Variants in RIN2 observed in about 807,000 individuals in gnomAD.
RIN2 encodes Ras and Rab interactor 2, also known as RAB5 interacting protein 2.
In RIN2, 36 loss-of-function variants were observed where a neutral mutation model predicts 78.0. The observed-to-expected ratio is 0.46, with a 90% CI of 0.35 to 0.61. The LOEUF is 0.61. Ranked by LOEUF, RIN2 falls within the 20% of genes least tolerant of loss-of-function variation. RIN2 has a pLI of 0.00. For missense variants in RIN2, 1,087 were observed against 1,159.7 expected (o/e 0.94, Z 0.91); for synonymous variants, 466 against 466.8 (o/e 1.00, Z 0.02).
At chr20:19,855,209 C>G (rs965283285) in intron 2 of RIN2, among the ~76,000 whole-genome samples, 1 of 151,836 alleles carries the variant, frequency 6.6e-6, no homozygotes, top group African/African-American at 2.4e-5. Flanking sequence ...GTTGAACCAG[C>G]CTTGCATCCC....
intron 3 of RIN2, among the ~76,000 whole-genome samples, chr20:19,911,640 T>C (rs78058389): frequency 1.3e-5 from 2 of 152,260 alleles, no homozygotes; most frequent in Non-Finnish European, 2.9e-5. Flanking sequence ...GCTCTGGTCA[T>C]GTCCTTATAC....
intron 4 of RIN2, among the ~76,000 whole-genome samples, chr20:19,942,429 G>A (rs945124472): frequency 6.6e-6 from 1 of 152,102 alleles, no homozygotes; most frequent in African/African-American, 2.4e-5. Context: ...GTTATCTTTG[G>A]GAAGTTTTTT....
chr20:19,961,250 G>T (rs566408642), intron 6 of RIN2, among the ~76,000 whole-genome samples: 27 of 152,284 alleles, frequency 1.8e-4, no homozygotes, highest in African/African-American at 6.5e-4. Context: ...GAGCAGACCT[G>T]TTCCCTCCAG....
At chr20:19,862,476 C>A (rs1035545625) in intron 2 of RIN2, among the ~76,000 whole-genome samples, 2 of 152,102 alleles carry the variant, frequency 1.3e-5, no homozygotes, top group African/African-American at 4.8e-5. Flanking sequence ...ACCTGTAGTC[C>A]CAGCTACTTG....
At chr20:19,885,311 A>G (rs939151112) in intron 2 of RIN2, among the ~76,000 whole-genome samples, 3 of 152,184 alleles carry the variant, frequency 2.0e-5, no homozygotes, top group Non-Finnish European at 4.4e-5. Context: ...AGAAGGAGGA[A>G]AAAGTCCAAG....
intron 1 of RIN2, among the ~76,000 whole-genome samples, chr20:19,765,278 C>T (rs1018639456): frequency 1.3e-5 from 2 of 152,120 alleles, no homozygotes; most frequent in Admixed American, 6.5e-5. Flanking sequence ...TGGGAAGACC[C>T]GAAAGATAGT....
intron 2 of RIN2, among the ~76,000 whole-genome samples, chr20:19,856,478 A>G (rs1281899626): frequency 6.6e-6 from 1 of 150,762 alleles, no homozygotes; most frequent in Admixed American, 6.6e-5. Context: ...GACTACAATG[A>G]GTCACGATCA....
At chr20:19,866,470 G>C (rs1385762631) in intron 2 of RIN2, among the ~76,000 whole-genome samples, 1 of 152,148 alleles carries the variant, frequency 6.6e-6, no homozygotes, top group Non-Finnish European at 1.5e-5. Flanking sequence ...GGAGTGCAGA[G>C]AGACATGTTA....
intron 2 of RIN2, among the ~76,000 whole-genome samples, chr20:19,879,335 A>T (rs1008948854): frequency 1.3e-5 from 2 of 152,134 alleles, no homozygotes; most frequent in Non-Finnish European, 2.9e-5. Flanking sequence ...TACTTTCTTT[A>T]TGCTTTTCCC....
intron 6 of RIN2, among the ~76,000 whole-genome samples, chr20:19,964,269 T>TGA (rs1356586068): frequency 1.4e-5 from 2 of 147,532 alleles, no homozygotes; most frequent in African/African-American, 2.5e-5. Flanking sequence ...TAAAAAAAAG[T>TGA]GAGAGAGAGA....
At position 19,961,996 on chromosome 20, in the gene RIN2, T is replaced by C. The variant is rs1412006295; in HGVS notation, c.463+1185T>C. 4.6e-5 allele frequency among the ~76,000 whole-genome samples: 7 copies of C among 152,234 alleles called. No individual in the cohort carries two copies. In the East Asian group the frequency reaches 1.4e-3, roughly 29 times the overall value. On this transcript the variant is annotated intron_variant, in intron 6 of 12. Coordinates refer to ENST00000255006, the MANE Select transcript of RIN2 (RefSeq NM_018993.4). ...AGTGAATCAATTAAGTAATTCTGAA[T>C]TGGCTTTTGAAAGTCTGCGAGAGGC...
intron 2 of RIN2, among the ~76,000 whole-genome samples, chr20:19,859,681 C>T (rs535271058): frequency 4.0e-4 from 61 of 152,334 alleles, no homozygotes; most frequent in Admixed American, 6.5e-4. Flanking sequence ...TAACTCCTTC[C>T]TAAGAGCCAG....
At chr20:19,971,807 T>C (rs549180315) in intron 8 of RIN2, among the ~76,000 whole-genome samples, 2 of 146,556 alleles carry the variant, frequency 1.4e-5, no homozygotes, top group South Asian at 4.3e-4. Flanking sequence ...AGTGTTGAGA[T>C]CTCAGCTCTC....
At chr20:19,895,363 G>A (rs2038673366) in intron 3 of RIN2, among the ~76,000 whole-genome samples, 1 of 152,130 alleles carries the variant, frequency 6.6e-6, no homozygotes, top group East Asian at 1.9e-4. Flanking sequence ...GAATTGTCCG[G>A]TCGACAGTTC....
intron 4 of RIN2, among the ~76,000 whole-genome samples, chr20:19,936,099 G>A (rs143165357): frequency 3.3e-4 from 51 of 152,300 alleles, no homozygotes; most frequent in African/African-American, 9.9e-4. Flanking sequence ...ATACGCTGAC[G>A]GGAGAGAGCA....
chr20:19,989,689 G>C (rs2042734562), intron 9 of RIN2, among the ~76,000 whole-genome samples: 3 of 152,216 alleles, frequency 2.0e-5, no homozygotes, highest in African/African-American at 7.2e-5. Context: ...TAGGTCAAAA[G>C]AATGTCTTCT....
At chr20:19,988,269 C>A (rs2042682495) in intron 9 of RIN2, among the ~76,000 whole-genome samples, 1 of 152,078 alleles carries the variant, frequency 6.6e-6, no homozygotes, top group African/African-American at 2.4e-5. Flanking sequence ...CAGGTGTGCG[C>A]CACAACGCCA....
rs568137461 is a variant in RIN2, at chr20:19,962,314, A to T, written c.463+1503A>T. ...AATGAAAAAACAACCCAAAAATATT[A>T]AAAAAAAAAAAAGTCCACAAGGCAA... On this transcript the variant is annotated intron_variant, in intron 6 of 12. Transcript: ENST00000255006. 2.1e-3 allele frequency among the ~76,000 whole-genome samples: 299 copies of T among 139,112 alleles called. 1 individual carries two copies. Among genetic ancestry groups the T allele is most frequent in the African/African-American group, 7.1e-3 (257 of 36,304 alleles). 91.3% of individuals were successfully genotyped at this position (139,112 alleles called of 152,430 possible). A position where few individuals can be genotyped will look rare whatever the true frequency, so the allele number is the denominator to read the frequency against.
At chr20:19,780,899 AG>A (rs1281823779) in intron 1 of RIN2, among the ~76,000 whole-genome samples, 1 of 152,218 alleles carries the variant, frequency 6.6e-6, no homozygotes, top group Non-Finnish European at 1.5e-5. Flanking sequence ...ACATGTAACA[AG>A]GTAAATAATA....
Sources: allele counts gnomAD v4.1 joint callset (sites outside exome capture counted in the v4.1 genomes callset), GRCh38; gene constraint gnomAD v4.1.1; transcripts MANE v1.5; gene names NCBI Gene and HGNC (gene_info 2026-07-23, HGNC 2026-07-21).